Variants in TMEM132B observed in about 807,000 individuals in gnomAD.
TMEM132B encodes transmembrane protein 132B.
TMEM132B carries 18 observed loss-of-function variants against 90.8 expected under a neutral mutation model. The observed-to-expected ratio is 0.20, with a 90% CI of 0.14 to 0.29. The LOEUF is 0.29. Ranked by LOEUF, TMEM132B falls within the 10% of genes least tolerant of loss-of-function variation. The pLI is 1.00. For missense variants in TMEM132B, 1,096 were observed against 1,326.8 expected (o/e 0.83, Z 2.70); for synonymous variants, 504 against 523.3 (o/e 0.96, Z 0.50).
chr12:125,336,364 G>A (rs2136213247), intron 1 of TMEM132B, among the ~76,000 whole-genome samples: 1 of 152,268 alleles, frequency 6.6e-6, no homozygotes, highest in South Asian at 2.1e-4. Context: ...CCCAACACAG[G>A]TACCGAGGCT....
intron 1 of TMEM132B, among the ~76,000 whole-genome samples, chr12:125,223,334 G>A (rs1873602529): frequency 1.3e-5 from 2 of 152,198 alleles, no homozygotes; most frequent in African/African-American, 4.8e-5. Context: ...TCTTTTGGAC[G>A]AATTAAATGA....
intron 1 of TMEM132B, among the ~76,000 whole-genome samples, chr12:125,299,126 T>C (rs76709860): frequency 2.0e-4 from 31 of 152,306 alleles, no homozygotes; most frequent in Non-Finnish European, 4.3e-4. Flanking sequence ...GCTGGGACTA[T>C]ACAGGTGTGC....
At chr12:125,286,386 A>G (rs1398562141) in intron 1 of TMEM132B, among the ~76,000 whole-genome samples, 1 of 152,270 alleles carries the variant, frequency 6.6e-6, no homozygotes, top group Non-Finnish European at 1.5e-5. Flanking sequence ...GTCATTGAAT[A>G]GTGCCGTGCC....
chr12:125,254,060 C>G (rs769066182), intron 1 of TMEM132B, among the ~76,000 whole-genome samples: 2 of 152,010 alleles, frequency 1.3e-5, no homozygotes, highest in African/African-American at 4.8e-5. Context: ...GAGGCCGAGG[C>G]GGGAGGATTA....
At chr12:125,258,521 C>T (rs189039450) in intron 1 of TMEM132B, among the ~76,000 whole-genome samples, 6 of 152,254 alleles carry the variant, frequency 3.9e-5, no homozygotes, top group Non-Finnish European at 8.8e-5. Context: ...GGTTTCCTTA[C>T]AACATGTTGG....
rs140917266 is a variant in TMEM132B, at chr12:125,538,238, A to G, written c.1293+18613A>G. 4.6e-5 allele frequency among the ~76,000 whole-genome samples: 7 copies of G among 152,278 alleles called. No homozygotes were observed. The South Asian group carries it at 6.2e-4, about 14-fold the overall frequency. On this transcript the variant is annotated intron_variant, in intron 4 of 8. Transcript: ENST00000682704. ...CTGGTTTGGAGAGAGTTTATTTATG[A>G]TATCCAGCTAGGCAGGGCTGAACTG...
In TMEM132B at chr12:125,258,191, C is replaced by A. The variant is rs530694505; in HGVS notation, c.67+71325C>A. ...AGAAGGCAGACAAATGAGACGGTTT[C>A]ATGAAGCAGTAAGTGCCGTGTTCCA... On this transcript the variant is annotated intron_variant, in intron 1 of 8. Coordinates refer to ENST00000682704, the MANE Select transcript of TMEM132B (RefSeq NM_001366854.1). Among the ~76,000 whole-genome samples, 5 of 152,338 alleles carry A rather than the reference C, an allele frequency of 3.3e-5. 1 individual carries two copies. The South Asian group carries it at 1.0e-3, about 32-fold the overall frequency.
chr12:125,554,257 A>G (rs182867612), intron 4 of TMEM132B, among the ~76,000 whole-genome samples: 1 of 151,456 alleles, frequency 6.6e-6, no homozygotes, highest in African/African-American at 2.4e-5. Flanking sequence ...CCCTGTCTCT[A>G]CTAAAAATAC....
At chr12:125,424,207 ATGTC>A (rs1191225261) in intron 3 of TMEM132B, among the ~76,000 whole-genome samples, 10 of 152,268 alleles carry the variant, frequency 6.6e-5, no homozygotes, top group South Asian at 2.1e-4. Flanking sequence ...GAAGCATAAA[ATGTC>A]TGTCAAATAT....
chr12:125,416,522 G>A (rs396536), intron 3 of TMEM132B, among the ~76,000 whole-genome samples: 29,353 of 152,256 alleles, frequency 0.19, 3,569 homozygotes, highest in South Asian at 0.34. Flanking sequence ...AAGGCCTGCA[G>A]CATTAGGAAT....
At chr12:125,247,413 T>A (rs1022692421) in intron 1 of TMEM132B, among the ~76,000 whole-genome samples, 2 of 152,178 alleles carry the variant, frequency 1.3e-5, no homozygotes, top group Non-Finnish European at 2.9e-5. Flanking sequence ...TTCTGCCTAT[T>A]CACAGATGAT....
In TMEM132B at chr12:125,644,038, C is replaced by G. The variant is rs761491260; in HGVS notation, c.1438-38C>G. The G allele has an allele frequency of 5.0e-6, 8 of 1,585,788 alleles. No individual in the cohort carries two copies. The East Asian group carries it at 1.8e-4, about 36-fold the overall frequency. On this transcript the variant is annotated intron_variant, in intron 5 of 8. Coordinates refer to ENST00000682704, the MANE Select transcript of TMEM132B (RefSeq NM_001366854.1). ...TTGTTGTTTTTTCCTTGTGCTTTTC[C>G]TACTGATGCATCTCAAGGTTCTACC...
At chr12:125,398,071 T>G (rs2136314814) in intron 2 of TMEM132B, among the ~76,000 whole-genome samples, 1 of 152,222 alleles carries the variant, frequency 6.6e-6, no homozygotes, top group South Asian at 2.1e-4. Context: ...CATCGGCATT[T>G]GCATTGGGGG....
At chr12:125,631,189 A>G (rs1320214206) in intron 5 of TMEM132B, among the ~76,000 whole-genome samples, 1 of 151,864 alleles carries the variant, frequency 6.6e-6, no homozygotes, top group African/African-American at 2.4e-5. Flanking sequence ...TTGTGTTTCC[A>G]TTAACATTAG....
intron 5 of TMEM132B, among the ~76,000 whole-genome samples, chr12:125,615,155 C>G: frequency 6.6e-6 from 1 of 151,970 alleles, no homozygotes; most frequent in Admixed American, 6.6e-5. Context: ...GAGTGTGAAT[C>G]TCTGTCTCTA....
chr12:125,360,075 TCAAAA>T (rs963088396), intron 2 of TMEM132B, among the ~76,000 whole-genome samples: 1 of 152,180 alleles, frequency 6.6e-6, no homozygotes, highest in Non-Finnish European at 1.5e-5. Flanking sequence ...AGACTCCGTC[TCAAAA>T]CAAAACAAAA....
chr12:125,400,872 T>C, intron 2 of TMEM132B, among the ~76,000 whole-genome samples: 1 of 152,210 alleles, frequency 6.6e-6, no homozygotes, highest in Non-Finnish European at 1.5e-5. Context: ...ATGTGATGTC[T>C]GAGGTGTGTC....
chr12:125,486,170 C>T (rs1271843117), intron 3 of TMEM132B, among the ~76,000 whole-genome samples: 4 of 152,162 alleles, frequency 2.6e-5, no homozygotes, highest in African/African-American at 9.7e-5. Flanking sequence ...ATTTGAGCAA[C>T]AAGATCTTGG....
chr12:125,267,449 T>G (rs1874721889), intron 1 of TMEM132B, among the ~76,000 whole-genome samples: 1 of 152,170 alleles, frequency 6.6e-6, no homozygotes, highest in Non-Finnish European at 1.5e-5. Context: ...AAAGGTAATC[T>G]CCGACCTTGT....
Sources: allele counts gnomAD v4.1 joint callset (sites outside exome capture counted in the v4.1 genomes callset), GRCh38; gene constraint gnomAD v4.1.1; transcripts MANE v1.5; gene names NCBI Gene and HGNC (gene_info 2026-07-23, HGNC 2026-07-21).